The following PPIP5K2 variants were observed in gnomAD, a reference collection of about 807,000 sequenced individuals.
The protein encoded by PPIP5K2 is inositol hexakisphosphate and diphosphoinositol-pentakisphosphate kinase 2.
In PPIP5K2, 105 loss-of-function variants were observed where a neutral mutation model predicts 154.6. The observed-to-expected ratio is 0.68, with a 90% CI of 0.58 to 0.80. PPIP5K2 has a LOEUF of 0.80. PPIP5K2 is among the 30% of genes least tolerant of loss of function. PPIP5K2 has a pLI of 0.00. For missense variants in PPIP5K2, 992 were observed against 1,504.6 expected, an observed-to-expected ratio of 0.66 and a Z score of 5.64; for synonymous variants, 480 against 490.3, an observed-to-expected ratio of 0.98 and a Z score of 0.28.
At position 103,155,797 on chromosome 5, in the gene PPIP5K2, G is replaced by T. The variant is rs183706764; in HGVS notation, c.1404-112G>T. The T allele has an allele frequency of 5.0e-4, 371 of 739,972 alleles. No individual in the cohort carries two copies. The African/African-American group carries it at 6.0e-3, about 12-fold the overall frequency. 45.8% of individuals were successfully genotyped at this position (739,972 alleles called of 1,614,324 possible). A position where few individuals can be genotyped will look rare whatever the true frequency, so the allele number is the denominator to read the frequency against. On this transcript the variant is annotated intron_variant, in intron 13 of 30. Transcript: ENST00000358359. The stretch of plus-strand genomic sequence containing the variant: ...ATTATATATGGTACAATTTTTTTTT[G>T]ATAGAATATTTCGAAGAATTAAACA...
In PPIP5K2 at chr5:103,167,240, A is replaced by C. The variant is rs1797268641; in HGVS notation, c.1982A>C (p.Lys661Thr). 2 of 1,599,054 alleles carry C rather than the reference A, an allele frequency of 1.3e-6. No homozygotes were observed. Among genetic ancestry groups the C allele is most frequent in the African/African-American group, 2.7e-5 (2 of 74,344 alleles). The stretch of plus-strand genomic sequence containing the variant: ...ATGCATTTAATTAAAAACCCTGTGA[A>C]GACCTGTGATAAAGTTTATTCCTTA... ...KSMHLIKNPV[K>T]TCDKVYSLIQ... is the part of the protein sequence containing the mutation. Residue 661 changes from lysine (K) to threonine (T), a missense_variant, in exon 18 of 31, where the codon AAG becomes ACG. This residue lies in a region of PPIP5K2 where 82 missense variants were observed against 91.8 expected (regional missense o/e 0.89). Coordinates refer to ENST00000358359, the MANE Select transcript of PPIP5K2 (RefSeq NM_001276277.3).
chr5:103,170,744 C>G (rs782300861), intron 19 of PPIP5K2, among the ~76,000 whole-genome samples: 9 of 150,730 alleles, frequency 6.0e-5, no homozygotes, highest in African/African-American at 2.2e-4. Flanking sequence ...AAACTGTGGA[C>G]AGAAGGCAGG....
At position 103,177,881 on chromosome 5, in the gene PPIP5K2, A is replaced by G. The variant is rs782077724; in HGVS notation, c.2655A>G (p.Glu885=). ...EDPNKDLSSE[E]RFHVELHFSP... Reference sequence around the variant, plus strand: ...TTTCTTAGGATCTTTCCTCAGAAGAACGCTTTCATGTTGAATTACACTTTA... The same window carrying G: ...TTTCTTAGGATCTTTCCTCAGAAGAGCGCTTTCATGTTGAATTACACTTTA... Residue 885 remains glutamate (E), a synonymous_variant, in exon 23 of 31, where the codon GAA becomes GAG. Coordinates refer to ENST00000358359, the MANE Select transcript of PPIP5K2 (RefSeq NM_001276277.3). 1.9e-6 allele frequency: 3 copies of G among 1,612,934 alleles called. No homozygotes were observed. In the Admixed American group the frequency reaches 5.0e-5, roughly 27 times the overall value.
chr5:103,195,064 A>G (rs781987965), intron 30 of PPIP5K2, 39 bp downstream of exon 30: 1 of 1,593,444 alleles, frequency 6.3e-7, no homozygotes, highest in Admixed American at 1.8e-5. Flanking sequence ...ATTTGCACAG[A>G]AATTAGAGGA....
At chr5:103,180,537 A>G (rs545059730) in intron 24 of PPIP5K2, among the ~76,000 whole-genome samples, 3 of 152,168 alleles carry the variant, frequency 2.0e-5, no homozygotes, top group East Asian at 3.9e-4. Flanking sequence ...GCCTGATTTA[A>G]TGGATCAAGA....
chr5:103,155,482 G>A (rs543354117), intron 13 of PPIP5K2, among the ~76,000 whole-genome samples: 8 of 119,000 alleles, frequency 6.7e-5, no homozygotes, highest in African/African-American at 1.9e-4. Flanking sequence ...GCTGGAGTCA[G>A]TGGTGTGATC....
At chr5:103,155,800 A>G (rs777857994) in intron 13 of PPIP5K2, 109 bp from the exon 14 acceptor site, 2 of 753,534 alleles carry the variant, frequency 2.7e-6, no homozygotes, top group Non-Finnish European at 4.5e-6. Context: ...TTTTTTTGAT[A>G]GAATATTTCG....
intron 1 of PPIP5K2, among the ~76,000 whole-genome samples, chr5:103,122,420 A>G (rs1229717653): frequency 6.6e-6 from 1 of 152,150 alleles, no homozygotes; most frequent in Non-Finnish European, 1.5e-5. Context: ...TTTCAAGGAG[A>G]GCAGTGAATT....
rs1794226532 is a variant in PPIP5K2 at position 103,149,273 on chromosome 5, G to A, written c.866G>A (p.Arg289Gln). ...AGATACCCTGTTATTCTCAATGCACGAGAGAAATTAATTGCTTGGAAAGTC... is the reference window on the plus strand; with the variant it reads ...AGATACCCTGTTATTCTCAATGCACAAGAGAAATTAATTGCTTGGAAAGTC... The part of the protein sequence containing the change: ...EVRYPVILNA[R>Q]EKLIAWKVCL... The change falls in exon 8 of 31, where the codon CGA becomes CAA. Residue 289 changes from arginine to glutamine, a missense_variant. Arg to Gln is a conservative substitution (Grantham distance 43). Around this residue, in one of 9 missense-constraint regions of PPIP5K2, gnomAD observed 51 missense variants for 152.2 expected, o/e 0.33. Coordinates refer to ENST00000358359, the MANE Select transcript of PPIP5K2 (RefSeq NM_001276277.3). The A allele has an allele frequency of 6.2e-7, 1 of 1,613,574 alleles. No individual in the cohort carries two copies. Among genetic ancestry groups the A allele is most frequent in the Admixed American group, 1.7e-5 (1 of 59,988 alleles).
At chr5:103,138,678 C>G (rs1792015307) in intron 5 of PPIP5K2, among the ~76,000 whole-genome samples, 2 of 152,196 alleles carry the variant, frequency 1.3e-5, no homozygotes, top group Admixed American at 1.3e-4. Context: ...TTATCCTTCT[C>G]TTCTTTGGCC....
At chr5:103,182,442 A>G (rs531344412) in intron 24 of PPIP5K2, among the ~76,000 whole-genome samples, 3 of 152,306 alleles carry the variant, frequency 2.0e-5, no homozygotes, top group Admixed American at 1.3e-4. Flanking sequence ...TTCAAGTAAA[A>G]TCTTGAAGAC....
intron 17 of PPIP5K2, among the ~76,000 whole-genome samples, chr5:103,161,279 G>A (rs1281904961): frequency 1.3e-5 from 2 of 152,132 alleles, no homozygotes; most frequent in Admixed American, 6.5e-5. Context: ...TCCCTACAAA[G>A]GACATTAACT....
intron 17 of PPIP5K2, among the ~76,000 whole-genome samples, chr5:103,164,994 G>C (rs530717852): frequency 6.6e-6 from 1 of 152,132 alleles, no homozygotes; most frequent in Admixed American, 6.6e-5. Context: ...CTAGTGGTTT[G>C]ATCTTAAGCA....
intron 30 of PPIP5K2, among the ~76,000 whole-genome samples, chr5:103,196,915 A>C (rs577593715): frequency 6.6e-6 from 1 of 152,278 alleles, no homozygotes; most frequent in African/African-American, 2.4e-5. Context: ...AAGAAGGATC[A>C]TCAACCAGGA....
chr5:103,165,992 T>C (rs1367134396), intron 17 of PPIP5K2, among the ~76,000 whole-genome samples: 3 of 152,018 alleles, frequency 2.0e-5, no homozygotes, highest in Non-Finnish European at 2.9e-5. Context: ...CAATGGAAAT[T>C]TTAAACAAGT....
At position 103,149,192 on chromosome 5, in the gene PPIP5K2, G is replaced by A. The variant is rs1192871533; in HGVS notation, c.785G>A (p.Arg262Gln). ...CCAGATTATGCCCATGCTGAAGCTC[G>A]AAAATCTCCAGCACTTGATGGCAAG... ...VGPDYAHAEA[R>Q]KSPALDGKVE... is the part of the protein sequence containing the mutation. Residue 262 changes from arginine to glutamine, a missense_variant, in exon 8 of 31, where the codon CGA becomes CAA. Physicochemically the swap from Arg to Gln is conservative, Grantham distance 43 (BLOSUM62 1). Around this residue, in one of 9 missense-constraint regions of PPIP5K2, gnomAD observed 51 missense variants for 152.2 expected, o/e 0.33. Coordinates refer to ENST00000358359, the MANE Select transcript of PPIP5K2 (RefSeq NM_001276277.3). The A allele has an allele frequency of 9.3e-6, 15 of 1,613,640 alleles. No homozygotes were observed. The highest frequency in any genetic ancestry group is 1.2e-5 in the Non-Finnish European group (14 of 1,179,846).
intron 21 of PPIP5K2, among the ~76,000 whole-genome samples, chr5:103,176,680 G>A (rs1197354514): frequency 1.3e-5 from 2 of 151,920 alleles, no homozygotes; most frequent in African/African-American, 4.8e-5. Flanking sequence ...TAATTACATA[G>A]TATACAACAA....
At chr5:103,189,134 G>C in intron 28 of PPIP5K2, 1 of 1,468,824 alleles carries the variant, frequency 6.8e-7, no homozygotes, top group Non-Finnish European at 9.2e-7. Flanking sequence ...TCTTCTGACA[G>C]TGCTTTACCT....
chr5:103,167,457 C>T (rs527804209), intron 18 of PPIP5K2, 137 bp downstream of exon 18: 4 of 602,830 alleles, frequency 6.6e-6, no homozygotes, highest in Non-Finnish European at 1.0e-5. Context: ...TAATGTATAT[C>T]AAGCAAAAAA....
Sources: allele counts gnomAD v4.1 joint callset (sites outside exome capture counted in the v4.1 genomes callset), GRCh38; gene constraint gnomAD v4.1.1; regional missense constraint gnomAD v4.1.1; transcripts MANE v1.5; gene names NCBI Gene and HGNC (gene_info 2026-07-23, HGNC 2026-07-21).